Variants in TESK2 observed in about 807,000 individuals in gnomAD.
TESK2 encodes testis associated actin remodelling kinase 2.
Under a neutral mutation model 57.1 loss-of-function variants are expected in TESK2, and 39 were observed. That is an observed-to-expected ratio of 0.68 (90% CI 0.53 to 0.89). TESK2 has a LOEUF of 0.89. TESK2 is among the 40% of genes least tolerant of loss of function. The pLI, the probability that TESK2 is intolerant of heterozygous loss-of-function variation, is 0.00. For missense variants in TESK2, 646 were observed against 732.1 expected, an observed-to-expected ratio of 0.88 and a Z score of 1.36; for synonymous variants, 249 against 267.9, an observed-to-expected ratio of 0.93 and a Z score of 0.69.
chr1:45,386,394 AAGAT>A (rs200924577), intron 3 of TESK2, among the ~76,000 whole-genome samples: 1,773 of 150,446 alleles, frequency 0.012, 11 homozygotes, highest in Non-Finnish European at 0.019. Context: ...AAAAAAAGGA[AAGAT>A]AGATAGAAAA....
chr1:45,421,749 C>G lies in TESK2; in HGVS notation c.320G>C (p.Arg107Thr). The change falls in exon 3 of 11, where the codon AGA (arginine) becomes ACA (threonine). Residue 107 changes from arginine to threonine, a missense_variant. Transcript: ENST00000372086. ...CCTAAGGATGTTGGGATGGGAGAGTCTATTCATGAGCTGTACTTCTTTCAG... is the reference window on the plus strand; with the variant it reads ...CCTAAGGATGTTGGGATGGGAGAGTGTATTCATGAGCTGTACTTCTTTCAG... Reference protein sequence around the residue: ...NMLKEVQLMNRLSHPNILRFM... With the variant: ...NMLKEVQLMNTLSHPNILRFM... 6.2e-7 allele frequency: 1 copy of G among 1,614,070 alleles called. No homozygotes were observed.
intron 4 of TESK2, among the ~76,000 whole-genome samples, chr1:45,363,156 T>C (rs375810082): frequency 6.6e-6 from 1 of 152,192 alleles, no homozygotes; most frequent in East Asian, 1.9e-4. Context: ...TCAGTCCAGT[T>C]TGGTGTTTAG....
Position 45,344,785 on chromosome 1 carries a change from C to T in TESK2, c.*55G>A. 6.8e-7 allele frequency: 1 copy of T among 1,478,904 alleles called. No individual in the cohort carries two copies. Among genetic ancestry groups the T allele is most frequent in the Non-Finnish European group, 9.3e-7 (1 of 1,077,870 alleles). The allele number at this position is 1,478,904 out of a possible 1,614,324, so 91.6% of individuals were successfully genotyped here. A position where few individuals can be genotyped will look rare whatever the true frequency, so the allele number is the denominator to read the frequency against. On this transcript the variant is annotated 3_prime_UTR_variant, in exon 11 of 11. Transcript: ENST00000372086. ...GAATCAAGGCTGTGCACCTAGGGGG[C>T]CATATGGTTTCAGCTGAAGGTCCAT...
Position 45,345,920 on chromosome 1 carries a change from T to G in TESK2, c.954A>C (p.Glu318Asp). 6.2e-7 allele frequency: 1 copy of G among 1,614,144 alleles called. No individual in the cohort carries two copies. The highest frequency in any genetic ancestry group is 8.5e-7 in the Non-Finnish European group (1 of 1,180,010). The change falls in exon 10 of 11, where the codon GAA (glutamate) becomes GAC (aspartate). Residue 318 changes from glutamate to aspartate, a missense_variant. Glu to Asp is a conservative substitution (Grantham distance 45, BLOSUM62 2). Transcript: ENST00000372086. ...GCTTCCTATCCCTCTCCTGCTCTTC[T>G]TCCTGTAGGCGGCTCAGAATTTCCT... ...TLEEILSRLQ[E>D]EEQERDRKLQ...
intron 4 of TESK2, among the ~76,000 whole-genome samples, chr1:45,372,751 A>G (rs1475291204): frequency 6.7e-6 from 1 of 149,924 alleles, no homozygotes; most frequent in East Asian, 2.0e-4. Flanking sequence ...AAAAAAAAGA[A>G]AAGAAGGCCA....
intron 1 of TESK2, among the ~76,000 whole-genome samples, chr1:45,460,249 CT>C (rs1294895952): frequency 6.6e-6 from 1 of 152,000 alleles, no homozygotes; most frequent in Non-Finnish European, 1.5e-5. Flanking sequence ...GGCATGGTGA[CT>C]CACGCCTGAA....
intron 1 of TESK2, among the ~76,000 whole-genome samples, chr1:45,488,024 C>T (rs1217985261): frequency 6.6e-6 from 1 of 151,906 alleles, no homozygotes; most frequent in Non-Finnish European, 1.5e-5. Flanking sequence ...AGCAATCCTC[C>T]CACCTCAGCC....
chr1:45,449,999 T>C (rs1317983762), intron 2 of TESK2, among the ~76,000 whole-genome samples: 1 of 152,162 alleles, frequency 6.6e-6, no homozygotes, highest in Non-Finnish European at 1.5e-5. Flanking sequence ...GGCTGAAATA[T>C]ATATGCTAAT....
intron 3 of TESK2, chr1:45,415,000 C>T (rs1269123111): frequency 5.0e-6 from 4 of 802,684 alleles, no homozygotes; most frequent in African/African-American, 1.7e-5. Flanking sequence ...CTGCCACCGC[C>T]AGGAGCCCCG....
At chr1:45,349,287 A>G (rs548679868) in intron 5 of TESK2, among the ~76,000 whole-genome samples, 1 of 151,988 alleles carries the variant, frequency 6.6e-6, no homozygotes, top group Non-Finnish European at 1.5e-5. Context: ...CATCACTTCT[A>G]CCCTGGATCA....
chr1:45,359,386 C>A (rs183578116), intron 4 of TESK2, among the ~76,000 whole-genome samples: 1 of 151,804 alleles, frequency 6.6e-6, no homozygotes, highest in African/African-American at 2.4e-5. Flanking sequence ...ATAGTGAAAC[C>A]CCATCTCTAC....
chr1:45,451,280 A>T (rs942383796), intron 2 of TESK2, among the ~76,000 whole-genome samples: 1 of 152,266 alleles, frequency 6.6e-6, no homozygotes, highest in Non-Finnish European at 1.5e-5. Context: ...GGGCTGGACC[A>T]GAGTCTTCCT....
chr1:45,474,000 T>C (rs1235512164), intron 1 of TESK2, among the ~76,000 whole-genome samples: 1 of 151,962 alleles, frequency 6.6e-6, no homozygotes. Context: ...TACCAGACAA[T>C]AGTAGAAAAT....
At chr1:45,397,928 G>C (rs1649433165) in intron 3 of TESK2, among the ~76,000 whole-genome samples, 1 of 152,046 alleles carries the variant, frequency 6.6e-6, no homozygotes, top group South Asian at 2.1e-4. Flanking sequence ...GTTTTTTAGA[G>C]ACAGGATCTC....
chr1:45,401,212 C>T (rs1557558751), intron 3 of TESK2, among the ~76,000 whole-genome samples: 6 of 151,780 alleles, frequency 4.0e-5, no homozygotes, highest in South Asian at 2.1e-4. Flanking sequence ...GCCTGACCAA[C>T]GTGGTGAAAC....
chr1:45,479,577 C>T (rs1283467877), intron 1 of TESK2, among the ~76,000 whole-genome samples: 4 of 151,738 alleles, frequency 2.6e-5, no homozygotes, highest in Admixed American at 2.0e-4. Context: ...TACAGGCATG[C>T]GCCACCACGC....
intron 5 of TESK2, among the ~76,000 whole-genome samples, chr1:45,350,049 G>T (rs1259934432): frequency 3.9e-5 from 6 of 152,170 alleles, no homozygotes; most frequent in Non-Finnish European, 8.8e-5. Context: ...GGCTGAGGCA[G>T]GAGAATCACT....
intron 3 of TESK2, among the ~76,000 whole-genome samples, chr1:45,410,815 G>T: frequency 6.7e-6 from 1 of 148,866 alleles, no homozygotes; most frequent in African/African-American, 2.5e-5. Context: ...CACCCAGTCT[G>T]TGTTTCAGTG....
intron 4 of TESK2, among the ~76,000 whole-genome samples, chr1:45,359,286 G>A (rs985912329): frequency 5.9e-5 from 9 of 152,212 alleles, no homozygotes; most frequent in Admixed American, 2.0e-4. Context: ...TTGGCCAGGC[G>A]CCGTGGCTCA....
Sources: allele counts gnomAD v4.1 joint callset (sites outside exome capture counted in the v4.1 genomes callset), GRCh38; gene constraint gnomAD v4.1.1; transcripts MANE v1.5; gene names NCBI Gene and HGNC (gene_info 2026-07-23, HGNC 2026-07-21).